TMEM38B: variants seen among roughly 807,000 people sequenced by gnomAD.
TMEM38B encodes trimeric intracellular cation channel type B.
A neutral mutation model predicts 28.7 loss-of-function variants in TMEM38B; 24 were observed. The observed-to-expected ratio is 0.84, with a 90% CI of 0.61 to 1.18. TMEM38B has a LOEUF of 1.18. Ranked by LOEUF, TMEM38B falls within the 50% of genes most tolerant of loss-of-function variation. The pLI is 0.00. For synonymous variants in TMEM38B, 131 were observed against 127.7 expected (o/e 1.03, Z -0.17); for missense variants, 380 against 350.9 (o/e 1.08, Z -0.66).
intron 1 of TMEM38B, chr9:105,701,063 C>G (rs1835447042): frequency 6.6e-6 from 1 of 152,012 alleles, no homozygotes; most frequent in African/African-American, 2.4e-5. Flanking sequence ...ATAATTTCAG[C>G]CTATTGTTCC....
At chr9:105,746,294 T>A (rs1837390622) in intron 4 of TMEM38B, among the ~76,000 whole-genome samples, 1 of 152,182 alleles carries the variant, frequency 6.6e-6, no homozygotes, top group South Asian at 2.1e-4. Context: ...GTCCTTCACA[T>A]CCCTTATAAG....
chr9:105,705,733 A>G lies in TMEM38B; in HGVS notation c.249A>G (p.Ile83Met), dbSNP rs1297294702. 4 of 1,613,174 alleles carry G rather than the reference A, an allele frequency of 2.5e-6. No homozygotes were observed. The East Asian group carries it at 6.7e-5, about 27-fold the overall frequency. Residue 83 changes from isoleucine (I) to methionine (M), a missense_variant, in exon 2 of 6, where the codon ATA (isoleucine) becomes ATG (methionine). Physicochemically the swap from Ile to Met is conservative, Grantham distance 10 (BLOSUM62 1). Transcript: ENST00000374692. ...AGTTTCTTGCAAACCACACTAACAT[A>G]TTACTGGCATCTTCAATCTGGTAAG... Reference protein sequence around the residue: ...PLKFLANHTNILLASSIWYIT... With the variant: ...PLKFLANHTNMLLASSIWYIT...
chr9:105,716,367 G>T (rs893523717), intron 2 of TMEM38B, among the ~76,000 whole-genome samples: 1 of 102,358 alleles, frequency 9.8e-6, no homozygotes, highest in Non-Finnish European at 1.9e-5. Context: ...TCTGTCAGTT[G>T]TAGCATTTGT....
Position 105,774,000 on chromosome 9 carries a change from G to A in TMEM38B, c.796G>A (p.Gly266Ser). Residue 266 changes from glycine to serine, a missense_variant, in exon 6 of 6, where the codon GGC (glycine) becomes AGC (serine). Coordinates refer to ENST00000374692, the MANE Select transcript of TMEM38B (RefSeq NM_018112.3). ...KKSEAKSPSN[G>S]VGSLASKPVD... ...AAGTGAAGCAAAGTCACCTTCCAAT[G>A]GCGTTGGGTCATTGGCCTCAAAGCC... 2 of 1,613,750 alleles carry A rather than the reference G, an allele frequency of 1.2e-6. No individual in the cohort carries two copies.
intron 5 of TMEM38B, among the ~76,000 whole-genome samples, 167 bp downstream of exon 5, chr9:105,748,357 G>A (rs1209549135): frequency 6.6e-6 from 1 of 152,100 alleles, no homozygotes; most frequent in Non-Finnish European, 1.5e-5. Flanking sequence ...CTGAAACTTA[G>A]CTTTTCTGTG....
intron 5 of TMEM38B, chr9:105,760,598 G>GA (rs1007454160): frequency 2.9e-5 from 22 of 760,610 alleles, no homozygotes; most frequent in Non-Finnish European, 5.2e-5. Flanking sequence ...AAGGAGAAAA[G>GA]AAAAAAACTA....
chr9:105,743,779 G>A (rs10156569), intron 4 of TMEM38B, among the ~76,000 whole-genome samples: 35,485 of 151,918 alleles, frequency 0.23, 6,802 homozygotes, highest in African/African-American at 0.51. Flanking sequence ...CTAAAAATCC[G>A]GGCTTTCTTT....
intron 1 of TMEM38B, among the ~76,000 whole-genome samples, chr9:105,704,890 C>A (rs1002560941): frequency 6.6e-6 from 1 of 151,556 alleles, no homozygotes; most frequent in South Asian, 2.1e-4. Flanking sequence ...CATCACTGCA[C>A]TCCAGCCTGG....
intron 5 of TMEM38B, chr9:105,760,580 T>C: frequency 1.3e-6 from 1 of 748,002 alleles, no homozygotes; most frequent in East Asian, 2.4e-5. Context: ...AACAAGAGTT[T>C]ACCTCTAAAG....
chr9:105,744,703 A>G (rs1837327505), intron 4 of TMEM38B, among the ~76,000 whole-genome samples: 2 of 152,092 alleles, frequency 1.3e-5, no homozygotes, highest in African/African-American at 4.8e-5. Context: ...GTCATTTAAC[A>G]TTAGGTATAT....
At chr9:105,773,763 T>A (rs1268728717) in intron 5 of TMEM38B, 102 bp from the exon 6 acceptor site, 4 of 1,098,254 alleles carry the variant, frequency 3.6e-6, no homozygotes, top group Non-Finnish European at 5.2e-6. Context: ...CCCCTGCAGA[T>A]TACATTAATA....
Position 105,694,548 on chromosome 9 carries a change from G to C in TMEM38B, c.-113G>C, listed in dbSNP as rs371137904. ...GCGCCAGGGCGCACGCGCGGAGCTG[G>C]AGCCGGCGCGGAGGAGCGGGCGGCC... On this transcript the variant is annotated 5_prime_UTR_variant, in exon 1 of 6. Coordinates refer to ENST00000374692, the MANE Select transcript of TMEM38B (RefSeq NM_018112.3). The C allele has an allele frequency of 6.5e-4, 441 of 679,652 alleles. 4 individuals are homozygous for C. The South Asian group carries it at 9.2e-3, about 14-fold the overall frequency. The allele number at this position is 679,652 out of a possible 1,614,324, so 42.1% of individuals were successfully genotyped here.
chr9:105,758,836 A>T, intron 5 of TMEM38B: 1 of 931,042 alleles, frequency 1.1e-6, no homozygotes, highest in Non-Finnish European at 1.8e-6. Flanking sequence ...ATCAATGAAG[A>T]TCAAGAAAAT....
chr9:105,738,185 C>CAATT (rs1255235993), intron 4 of TMEM38B, among the ~76,000 whole-genome samples: 5 of 152,012 alleles, frequency 3.3e-5, no homozygotes, highest in Admixed American at 6.5e-5. Context: ...GGACTCTGAA[C>CAATT]AATTCCCTCA....
chr9:105,750,035 T>A (rs1212104413), intron 5 of TMEM38B, among the ~76,000 whole-genome samples: 1 of 152,242 alleles, frequency 6.6e-6, no homozygotes, highest in African/African-American at 2.4e-5. Flanking sequence ...CATATTATTG[T>A]CTTTTTTATT....
At chr9:105,730,743 G>A (rs1309352408) in intron 4 of TMEM38B, among the ~76,000 whole-genome samples, 1 of 152,046 alleles carries the variant, frequency 6.6e-6, no homozygotes, top group Non-Finnish European at 1.5e-5. Context: ...CAATTTCAGA[G>A]CCTGTTATTG....
chr9:105,730,973 T>C (rs1202246999), intron 4 of TMEM38B, among the ~76,000 whole-genome samples: 1 of 152,182 alleles, frequency 6.6e-6, no homozygotes, highest in African/African-American at 2.4e-5. Flanking sequence ...TTTATTAGTC[T>C]TGCTAGCCAT....
intron 4 of TMEM38B, among the ~76,000 whole-genome samples, chr9:105,746,939 G>T (rs10816316): frequency 0.21 from 31,719 of 152,076 alleles, 5,111 homozygotes; most frequent in East Asian, 0.46. Flanking sequence ...CTTGATCATG[G>T]TGGATAAGCT....
chr9:105,697,455 A>G (rs1337528556), intron 1 of TMEM38B, among the ~76,000 whole-genome samples: 2 of 152,132 alleles, frequency 1.3e-5, no homozygotes, highest in East Asian at 3.8e-4. Flanking sequence ...CAGTTCTATT[A>G]TTGGTCTTCA....
Sources: gnomAD v4.1 joint callset for allele counts (sites outside exome capture counted in the v4.1 genomes callset) on GRCh38, gnomAD v4.1.1 for gene constraint, MANE v1.5 for transcripts, NCBI Gene and HGNC (gene_info 2026-07-23, HGNC 2026-07-21) for gene names.